TG: variants seen among roughly 807,000 people sequenced by gnomAD.
TG encodes the protein thyroid hormones.
In TG, 270 loss-of-function variants were observed where a neutral mutation model predicts 324.7. The ratio of observed to expected loss-of-function variants is 0.83; its 90% CI spans 0.75 to 0.92. TG has a LOEUF of 0.92. TG is among the 40% of genes least tolerant of loss of function. TG has a pLI of 0.00. For synonymous variants in TG, 1,401 were observed against 1,327.0 expected (o/e 1.06, Z -1.21); for missense variants, 3,591 against 3,456.4 (o/e 1.04, Z -0.98).
At position 133,116,766 on chromosome 8, in the gene TG, G is replaced by A. The variant is rs761725361; in HGVS notation, c.7862+50G>A. ...AAAGGAAGGTAAAACCGAATGATAA[G>A]TCCCAGTTCGATGACATGGGACACA... On this transcript the variant is annotated intron_variant, in intron 45 of 47. Coordinates refer to ENST00000220616, the MANE Select transcript of TG (RefSeq NM_003235.5). 2.0e-6 allele frequency: 3 copies of A among 1,503,272 alleles called. No homozygotes were observed. In the East Asian group the frequency reaches 6.8e-5, roughly 34 times the overall value. The allele number at this position is 1,503,272 out of a possible 1,614,324, so 93.1% of individuals were successfully genotyped here. A position where few individuals can be genotyped will look rare whatever the true frequency, so the allele number is the denominator to read the frequency against.
At chr8:132,984,961 G>C (rs906770063) in intron 35 of TG, among the ~76,000 whole-genome samples, 5 of 150,236 alleles carry the variant, frequency 3.3e-5, no homozygotes, top group African/African-American at 1.2e-4. Context: ...CAAAACAAAT[G>C]AGTTCCCTAT....
intron 34 of TG, among the ~76,000 whole-genome samples, chr8:132,980,015 A>C (rs1263417934): frequency 6.6e-6 from 1 of 152,076 alleles, no homozygotes; most frequent in Non-Finnish European, 1.5e-5. Context: ...ACACTTACTA[A>C]TTAAGTTTTA....
At chr8:133,078,781 G>A (rs914600028) in intron 41 of TG, among the ~76,000 whole-genome samples, 1 of 152,276 alleles carries the variant, frequency 6.6e-6, no homozygotes, top group Middle Eastern at 3.4e-3. Context: ...AACATCTATT[G>A]TAAATTTCGT....
chr8:133,094,282 C>G lies in TG; in HGVS notation c.7240-762C>G, dbSNP rs921263486. On this transcript the variant is annotated intron_variant, in intron 41 of 47. Coordinates refer to ENST00000220616, the MANE Select transcript of TG (RefSeq NM_003235.5). ...TTTTGATGGAGTCTTGCTCTGTTTC[C>G]CAGGCTGGAGTGCAGAGGTGCGATC... 2.1e-5 allele frequency among the ~76,000 whole-genome samples: 3 copies of G among 142,760 alleles called. No individual in the cohort carries two copies. The South Asian group carries it at 6.8e-4, about 32-fold the overall frequency. The allele number at this position is 142,760 out of a possible 152,430, so 93.7% of individuals were successfully genotyped here. A position where few individuals can be genotyped will look rare whatever the true frequency, so the allele number is the denominator to read the frequency against.
intron 41 of TG, among the ~76,000 whole-genome samples, chr8:133,088,917 A>C (rs1366055764): frequency 6.7e-6 from 1 of 148,634 alleles, no homozygotes; most frequent in Non-Finnish European, 1.5e-5. Flanking sequence ...AACATGCAAG[A>C]GAATACAAAT....
At chr8:132,929,004 A>G in intron 22 of TG, 72 bp from the exon 23 acceptor site, 1 of 1,261,034 alleles carries the variant, frequency 7.9e-7, no homozygotes, top group Non-Finnish European at 1.2e-6. Context: ...TTGACCTAAC[A>G]GTCTTTATGG....
At chr8:132,929,757 A>G (rs1024656739) in intron 23 of TG, among the ~76,000 whole-genome samples, 2 of 152,226 alleles carry the variant, frequency 1.3e-5, no homozygotes, top group Non-Finnish European at 2.9e-5. Flanking sequence ...GGGGTGCACG[A>G]AAATCTCAGA....
intron 28 of TG, 61 bp downstream of exon 28, chr8:132,961,134 C>T: frequency 6.6e-7 from 1 of 1,524,292 alleles, no homozygotes; most frequent in South Asian, 1.1e-5. Context: ...TTGTCTGGCA[C>T]CACCTCTCAT....
intron 23 of TG, 44 bp downstream of exon 23, chr8:132,929,236 A>T (rs906517691): frequency 2.0e-6 from 3 of 1,467,522 alleles, no homozygotes; most frequent in Non-Finnish European, 2.9e-6. Flanking sequence ...AAGGTGTGGA[A>T]ATAAGCTCTG....
chr8:132,968,188 A>AT (rs1283025310), intron 31 of TG, among the ~76,000 whole-genome samples: 12 of 152,208 alleles, frequency 7.9e-5, no homozygotes, highest in African/African-American at 2.9e-4. Context: ...AAAAAGGGTT[A>AT]TTTGGGGGCA....
At chr8:132,927,492 C>T (rs853297) in intron 22 of TG, among the ~76,000 whole-genome samples, 61,550 of 152,104 alleles carry the variant, frequency 0.4, 15,200 homozygotes, top group Admixed American at 0.53. Flanking sequence ...TGTAAATAGC[C>T]GTTAAGTATA....
intron 44 of TG, 132 bp from the exon 45 acceptor site, chr8:133,116,477 A>T (rs554930723): frequency 1.3e-6 from 1 of 743,002 alleles, no homozygotes; most frequent in East Asian, 2.6e-5. Context: ...AATGGGAAGA[A>T]GGTGTTCTTG....
At position 133,133,788 on chromosome 8, in the gene TG, C is replaced by T. The variant is rs1055332144; in HGVS notation, c.8188+128C>T. 9 of 1,071,236 alleles carry T rather than the reference C, an allele frequency of 8.4e-6. No homozygotes were observed. The African/African-American group carries it at 1.1e-4, about 13-fold the overall frequency. The allele number at this position is 1,071,236 out of a possible 1,614,324, so 66.4% of individuals were successfully genotyped here. A position where few individuals can be genotyped will look rare whatever the true frequency, so the allele number is the denominator to read the frequency against. On this transcript the variant is annotated intron_variant, in intron 47 of 47. Transcript: ENST00000220616. ...GTCACCAGTGCCAATGGCACAGCCC[C>T]TTCCTGTGAGTTGTTCATGGTCTGG...
At chr8:133,027,741 T>C (rs1836239203) in intron 40 of TG, among the ~76,000 whole-genome samples, 1 of 152,268 alleles carries the variant, frequency 6.6e-6, no homozygotes, top group Admixed American at 6.5e-5. Context: ...TTGGGTTGAA[T>C]GTTAGGACAG....
chr8:132,966,599 AG>A lies in TG; in HGVS notation c.5590del (p.Val1864SerfsTer46). On this transcript the variant is annotated frameshift_variant, in exon 30 of 48. Transcript: ENST00000220616. LOFTEE classifies it high-confidence loss of function. ...CTTTTCTCCCCTGTGGACCTCAACCAGGTCATTGTCAATGGAAATCAATCAC... is the reference window on the plus strand; with the variant it reads ...CTTTTCTCCCCTGTGGACCTCAACCAGTCATTGTCAATGGAAATCAATCAC... ...TELFSPVDLNQVIVNGNQSLS... is the reference protein window; with the variant it reads ...TELFSPVDLNXVIVNGNQSLS... 1 of 1,614,122 alleles carries A rather than the reference AG, an allele frequency of 6.2e-7. No homozygotes were observed. Among genetic ancestry groups the A allele is most frequent in the Non-Finnish European group, 8.5e-7 (1 of 1,180,010 alleles).
At chr8:132,998,548 G>T (rs1177567175) in intron 35 of TG, among the ~76,000 whole-genome samples, 6 of 152,212 alleles carry the variant, frequency 3.9e-5, no homozygotes, top group Non-Finnish European at 5.9e-5. Context: ...TGAGGACATT[G>T]CTCAAAGGGA....
At position 132,900,270 on chromosome 8, in the gene TG, G is replaced by C. The variant is rs142397084; in HGVS notation, c.3364G>C (p.Ala1122Pro). Residue 1122 changes from alanine to proline, a missense_variant, in exon 15 of 48, where the codon GCT becomes CCT. By Grantham distance (27) the Ala-to-Pro change is conservative. Coordinates refer to ENST00000220616, the MANE Select transcript of TG (RefSeq NM_003235.5). ...GTATGCCAGGCTGCAGGCATCGGGG[G>C]CTGGCACCTGGTGTGTGGACCCTGC... is the stretch of plus-strand genomic sequence containing the variant. The part of the protein sequence containing the change: ...GEYARLQASG[A>P]GTWCVDPASG... 2 of 1,614,050 alleles carry C rather than the reference G, an allele frequency of 1.2e-6. No homozygotes were observed. Among genetic ancestry groups the C allele is most frequent in the Non-Finnish European group, 1.7e-6 (2 of 1,180,008 alleles).
intron 41 of TG, among the ~76,000 whole-genome samples, chr8:133,039,561 GT>G (rs1837762238): frequency 6.6e-6 from 1 of 152,036 alleles, no homozygotes; most frequent in Non-Finnish European, 1.5e-5. Context: ...ATCCATGAAA[GT>G]TTTTTTCTCT....
chr8:133,033,036 T>G (rs1208777779), intron 41 of TG, among the ~76,000 whole-genome samples: 1 of 152,312 alleles, frequency 6.6e-6, no homozygotes, highest in East Asian at 1.9e-4. Flanking sequence ...TGATGCTGCC[T>G]TTCCAGGAAT....
Sources: allele counts gnomAD v4.1 joint callset (sites outside exome capture counted in the v4.1 genomes callset), GRCh38; gene constraint gnomAD v4.1.1; transcripts MANE v1.5; gene names NCBI Gene and HGNC (gene_info 2026-07-23, HGNC 2026-07-21).